MTUS2: variants seen among roughly 807,000 people sequenced by gnomAD.
MTUS2 encodes microtubule associated scaffold protein 2, also known as microtubule-associated tumor suppressor candidate 2.
Under a neutral mutation model 114.1 loss-of-function variants are expected in MTUS2, and 40 were observed. The observed-to-expected ratio is 0.35, with a 90% CI of 0.27 to 0.46. MTUS2 has a LOEUF of 0.46. Ranked by LOEUF, MTUS2 falls within the 20% of genes least tolerant of loss-of-function variation. The probability of loss-of-function intolerance (pLI) is 1.00; values close to 1 mark genes in which losing one functional copy is unlikely to be tolerated. For synonymous variants in MTUS2, 688 were observed against 672.0 expected, an observed-to-expected ratio of 1.02 and a Z score of -0.37; for missense variants, 1,679 against 1,705.4, an observed-to-expected ratio of 0.98 and a Z score of 0.27.
chr13:29,292,817 G>A (rs1898772975), intron 6 of MTUS2, among the ~76,000 whole-genome samples: 1 of 151,964 alleles, frequency 6.6e-6, no homozygotes, highest in South Asian at 2.1e-4. Flanking sequence ...GAAGAGAGAA[G>A]CATGACAAAA....
chr13:29,403,986 C>CTA (rs952853443), intron 8 of MTUS2, among the ~76,000 whole-genome samples: 23 of 150,924 alleles, frequency 1.5e-4, no homozygotes, highest in African/African-American at 5.4e-4. Context: ...CTTTGTATAC[C>CTA]TATATATATA....
chr13:29,091,502 C>CT (rs35232679), intron 4 of MTUS2, among the ~76,000 whole-genome samples: 101,984 of 151,744 alleles, frequency 0.67, 34,987 homozygotes, highest in Non-Finnish European at 0.74. Flanking sequence ...TTTCTTTTTC[C>CT]TTTTTTTCCA....
In MTUS2 at chr13:29,025,193, G is replaced by T. The variant is rs995794478; in HGVS notation, c.495G>T (p.Lys165Asn). 3 of 1,613,978 alleles carry T rather than the reference G, an allele frequency of 1.9e-6. No homozygotes were observed. The highest frequency in any genetic ancestry group is 2.5e-6 in the Non-Finnish European group (3 of 1,179,894). The change falls in exon 3 of 16, where the codon AAG becomes AAT. Residue 165 changes from lysine to asparagine, a missense_variant. Lys to Asn is a moderately conservative substitution (Grantham distance 94). Transcript: ENST00000612955. ...PRHVPKDKLA[K>N]TLDNEELRRH... ...ATGTTCCCAAGGATAAACTGGCAAA[G>T]ACCCTTGACAATGAGGAACTGAGGA...
At chr13:29,152,659 G>T (rs571148111) in intron 5 of MTUS2, among the ~76,000 whole-genome samples, 8 of 152,150 alleles carry the variant, frequency 5.3e-5, no homozygotes, top group South Asian at 4.2e-4. Flanking sequence ...GTTTCTAGCC[G>T]CATGGACCCT....
At position 28,850,135 on chromosome 13, in the gene MTUS2, G is replaced by C. The variant is rs1053089707; in HGVS notation, c.-243+10285G>C. Among the ~76,000 whole-genome samples the C allele has an allele frequency of 7.0e-5, 7 of 99,816 alleles. No individual in the cohort carries two copies. In the Admixed American group the frequency reaches 8.4e-4, roughly 12 times the overall value. 65.5% of individuals were successfully genotyped at this position (99,816 alleles called of 152,430 possible). On this transcript the variant is annotated intron_variant, in intron 2 of 15. Coordinates refer to ENST00000612955, the MANE Select transcript of MTUS2 (RefSeq NM_001033602.4). ...TGTCACAGGCTGTACACAACAGTCT[G>C]CTCGTTGGTATAAGGTCCTTTGAAG...
At chr13:28,922,383 G>A (rs1881091670) in intron 2 of MTUS2, among the ~76,000 whole-genome samples, 1 of 152,160 alleles carries the variant, frequency 6.6e-6, no homozygotes, top group Non-Finnish European at 1.5e-5. Context: ...ATCCAGCTCA[G>A]CACTAGGACT....
rs759045646 is a variant in MTUS2 at position 29,026,669 on chromosome 13, G to C, written c.1971G>C (p.Gln657His). The C allele has an allele frequency of 2.5e-6, 4 of 1,613,886 alleles. No individual in the cohort carries two copies. The Admixed American group carries it at 5.0e-5, about 20-fold the overall frequency. Residue 657 changes from glutamine to histidine, a missense_variant, in exon 3 of 16, where the codon CAG (glutamine) becomes CAC (histidine). Physicochemically the swap from Gln to His is conservative, Grantham distance 24. Around this residue, in one of 3 missense-constraint regions of MTUS2, gnomAD observed 822 missense variants for 899.7 expected, o/e 0.91. Transcript: ENST00000612955. ...GGAGGAATCCCCAGGCCCTGGGCCAGGTGGACGCCTCGCTGGTTCCAGTGG... is the reference window on the plus strand; with the variant it reads ...GGAGGAATCCCCAGGCCCTGGGCCACGTGGACGCCTCGCTGGTTCCAGTGG... ...YIRRNPQALG[Q>H]VDASLVPVGL...
At chr13:29,347,492 C>T (rs1183891862) in intron 7 of MTUS2, among the ~76,000 whole-genome samples, 1 of 151,888 alleles carries the variant, frequency 6.6e-6, no homozygotes, top group Admixed American at 6.6e-5. Context: ...TGATCTCTAA[C>T]TTGTAATTCT....
At chr13:29,345,181 T>G (rs1286566957) in intron 7 of MTUS2, among the ~76,000 whole-genome samples, 1 of 152,146 alleles carries the variant, frequency 6.6e-6, no homozygotes, top group Non-Finnish European at 1.5e-5. Context: ...TCTTTGAGCT[T>G]CTTGTGTTTG....
chr13:28,982,295 A>T (rs186376188), intron 2 of MTUS2, among the ~76,000 whole-genome samples: 5 of 152,242 alleles, frequency 3.3e-5, no homozygotes, highest in Admixed American at 3.3e-4. Flanking sequence ...GGGAAATGCA[A>T]ATCAAAGCAC....
chr13:28,875,680 A>G (rs1877887921), intron 2 of MTUS2, among the ~76,000 whole-genome samples: 1 of 152,212 alleles, frequency 6.6e-6, no homozygotes. Context: ...GTGTTTCTCA[A>G]GAATATTGAT....
intron 8 of MTUS2, among the ~76,000 whole-genome samples, chr13:29,374,423 C>CA (rs1245780581): frequency 1.3e-5 from 2 of 152,054 alleles, no homozygotes; most frequent in Non-Finnish European, 2.9e-5. Context: ...AAACTAAAGA[C>CA]AAAAAATACT....
At chr13:29,410,407 G>A (rs565572024) in intron 8 of MTUS2, among the ~76,000 whole-genome samples, 1 of 152,256 alleles carries the variant, frequency 6.6e-6, no homozygotes, top group African/African-American at 2.4e-5. Flanking sequence ...GATTACAGGC[G>A]TGAGCCACCG....
chr13:29,175,799 A>G (rs1415711109), intron 5 of MTUS2, among the ~76,000 whole-genome samples: 1 of 152,104 alleles, frequency 6.6e-6, no homozygotes, highest in Non-Finnish European at 1.5e-5. Context: ...GAAACTCACA[A>G]CAGAGGTTTG....
chr13:28,967,184 T>C (rs1305685003), intron 2 of MTUS2, among the ~76,000 whole-genome samples: 5 of 152,214 alleles, frequency 3.3e-5, no homozygotes, highest in Non-Finnish European at 5.9e-5. Context: ...AGTAGCATCA[T>C]TGAAGATGAG....
chr13:29,471,620 A>G (rs1246433154), intron 9 of MTUS2, among the ~76,000 whole-genome samples: 2 of 152,108 alleles, frequency 1.3e-5, no homozygotes, highest in East Asian at 1.9e-4. Flanking sequence ...TTAGGAAGCT[A>G]TGGTGAGGCA....
At chr13:28,894,343 A>AGAGAGAGT (rs1446826159) in intron 2 of MTUS2, among the ~76,000 whole-genome samples, 36 of 93,616 alleles carry the variant, frequency 3.8e-4, no homozygotes, top group African/African-American at 1.8e-3. Context: ...AGAGAGAGAG[A>AGAGAGAGT]GAGAGAGTGA....
chr13:29,377,461 A>G lies in MTUS2; in HGVS notation c.3117+17988A>G, dbSNP rs7982485. On this transcript the variant is annotated intron_variant, in intron 8 of 15. Coordinates refer to ENST00000612955, the MANE Select transcript of MTUS2 (RefSeq NM_001033602.4). ...TGATTTGTGAGTTAAACACAAACCAATAAGACAATAATAGGAAAATCTTTA... is the reference window on the plus strand; with the variant it reads ...TGATTTGTGAGTTAAACACAAACCAGTAAGACAATAATAGGAAAATCTTTA... Among the ~76,000 whole-genome samples the G allele has an allele frequency of 1.8e-3, 279 of 152,320 alleles. 2 individuals carry two copies. The highest frequency in any genetic ancestry group is 6.1e-3 in the African/African-American group (252 of 41,584).
chr13:29,389,399 A>ACACGTG (rs1566172841), intron 8 of MTUS2, among the ~76,000 whole-genome samples: 1 of 67,982 alleles, frequency 1.5e-5, no homozygotes, highest in African/African-American at 7.7e-5. Flanking sequence ...GTGTGTGTAT[A>ACACGTG]TATGTATACA....
Sources: gnomAD v4.1 joint callset for allele counts (sites outside exome capture counted in the v4.1 genomes callset) on GRCh38, gnomAD v4.1.1 for gene constraint, gnomAD v4.1.1 regional missense constraint, MANE v1.5 for transcripts, NCBI Gene and HGNC (gene_info 2026-07-23, HGNC 2026-07-21) for gene names.